The following BOK variants were observed in gnomAD, a reference collection of about 807,000 sequenced individuals.
BOK encodes the protein BCL2 family apoptosis regulator BOK.
In BOK, 20 loss-of-function variants were observed where a neutral mutation model predicts 18.3. The observed-to-expected ratio is 1.09, with a 90% CI of 0.77 to 1.59. The LOEUF is 1.59. BOK is among the 40% of genes most tolerant of loss of function. The pLI, the probability that BOK is intolerant of heterozygous loss-of-function variation, is 0.00. For synonymous variants in BOK, 173 were observed against 142.4 expected, an observed-to-expected ratio of 1.21 and a Z score of -1.53; for missense variants, 348 against 307.9, an observed-to-expected ratio of 1.13 and a Z score of -0.97.
At position 241,562,373 on chromosome 2, in the gene BOK, C is replaced by T; in HGVS notation, c.246C>T (p.Pro82=). ...GCGATGAGCTGGAGATGATCCGGCC[C>T]AGCGTCTACCGCAACGTGGCGCGTC... ...RLGDELEMIR[P]SVYRNVARQL... Residue 82 remains proline (P), a synonymous_variant, in exon 3 of 5, where the codon CCC becomes CCT. Transcript: ENST00000318407. The surrounding 1 kb of genome is among the most constrained non-coding windows in gnomAD (Gnocchi z 4.5). The T allele has an allele frequency of 6.2e-7, 1 of 1,610,088 alleles. No individual in the cohort carries two copies. Among genetic ancestry groups the T allele is most frequent in the East Asian group, 2.2e-5 (1 of 44,862 alleles).
At chr2:241,560,384 C>T (rs935410282) in intron 2 of BOK, 10 of 793,050 alleles carry the variant, frequency 1.3e-5, no homozygotes, top group Non-Finnish European at 1.5e-5. Context: ...ACATGGGGCG[C>T]CTGTGGCTGA....
upstream of BOK, among the ~76,000 whole-genome samples, chr2:241,557,936 A>G (rs2066466348): frequency 6.6e-6 from 1 of 152,156 alleles, no homozygotes; most frequent in Non-Finnish European, 1.5e-5. Context: ...CATGGGAAGA[A>G]TAAGTATTTT....
At chr2:241,566,087 C>T (rs1347647422) in intron 3 of BOK, among the ~76,000 whole-genome samples, 1 of 151,808 alleles carries the variant, frequency 6.6e-6, no homozygotes, top group African/African-American at 2.4e-5. Flanking sequence ...GAGTTTGAGA[C>T]CAGCCTGACC....
rs555695359 is a variant in BOK at position 241,573,631 on chromosome 2, G to A, written c.*1209G>A. ...AGGCCAGCACACCTAACCCATGGAT[G>A]TGGAACCTACGGCCGAGAAGGAATG... On this transcript the variant is annotated 3_prime_UTR_variant, in exon 5 of 5. Coordinates refer to ENST00000318407, the MANE Select transcript of BOK (RefSeq NM_032515.5). The A allele has an allele frequency of 1.3e-5, 2 of 152,456 alleles. No homozygotes were observed. The highest frequency in any genetic ancestry group is 3.9e-4 in the East Asian group (2 of 5,184). 9.4% of individuals were successfully genotyped at this position (152,456 alleles called of 1,614,324 possible).
At chr2:241,552,494 G>T (rs1317050216) in intron 1 of BOK, among the ~76,000 whole-genome samples, 2 of 152,158 alleles carry the variant, frequency 1.3e-5, no homozygotes, top group African/African-American at 4.8e-5. Context: ...CCCCTTAGGG[G>T]CTGGGCTCAG....
intron 3 of BOK, 104 bp from the exon 4 acceptor site, chr2:241,570,021 C>A: frequency 7.2e-7 from 1 of 1,385,450 alleles, no homozygotes; most frequent in Non-Finnish European, 9.7e-7. Flanking sequence ...TGGTCATTAG[C>A]TGGACGGCAA....
In BOK at chr2:241,572,599, G is replaced by A. The variant is rs2066742102; in HGVS notation, c.*177G>A. 1 of 974,760 alleles carries A rather than the reference G, an allele frequency of 1.0e-6. No homozygotes were observed. Among genetic ancestry groups the A allele is most frequent in the Non-Finnish European group, 1.5e-6 (1 of 677,206 alleles). 60.4% of individuals were successfully genotyped at this position (974,760 alleles called of 1,614,324 possible). On this transcript the variant is annotated 3_prime_UTR_variant, in exon 5 of 5. Transcript: ENST00000318407. Reference sequence around the variant, plus strand: ...CCTCCGGAAGGGGTGAGTGGGGAGGGGCTTTCCTGAGCCTGGAGCTGGGCT... The same window carrying A: ...CCTCCGGAAGGGGTGAGTGGGGAGGAGCTTTCCTGAGCCTGGAGCTGGGCT...
chr2:241,572,569 C>T lies in BOK; in HGVS notation c.*147C>T. On this transcript the variant is annotated 3_prime_UTR_variant, in exon 5 of 5. Coordinates refer to ENST00000318407, the MANE Select transcript of BOK (RefSeq NM_032515.5). ...CCTAAGCCCCGTTCCTCCGCAGACC[C>T]AGGCCCTCCGGAAGGGGTGAGTGGG... The T allele has an allele frequency of 7.8e-7, 1 of 1,286,910 alleles. No individual in the cohort carries two copies. Among genetic ancestry groups the T allele is most frequent in the Non-Finnish European group, 1.0e-6 (1 of 952,808 alleles). The allele number at this position is 1,286,910 out of a possible 1,614,324, so 79.7% of individuals were successfully genotyped here. A position where few individuals can be genotyped will look rare whatever the true frequency, so the allele number is the denominator to read the frequency against.
chr2:241,572,087 C>T (rs1266670431), intron 4 of BOK, among the ~76,000 whole-genome samples: 1 of 152,246 alleles, frequency 6.6e-6, no homozygotes, highest in African/African-American at 2.4e-5. Flanking sequence ...GCCTCCTGGC[C>T]CTTCACACTG....
At chr2:241,554,756 G>A (rs2066438257), upstream of BOK, among the ~76,000 whole-genome samples, 1 of 152,218 alleles carries the variant, frequency 6.6e-6, no homozygotes, top group Non-Finnish European at 1.5e-5. Flanking sequence ...GGGGAGCACA[G>A]ATGGAAAGAG....
intron 1 of BOK, 108 bp from the exon 2 acceptor site, chr2:241,559,347 C>T (rs919605839): frequency 6.8e-6 from 4 of 584,586 alleles, no homozygotes; most frequent in South Asian, 7.1e-5. Context: ...CGAGAGCGGA[C>T]CCGGCGCCGG....
Position 241,562,524 on chromosome 2 carries a change from G to T in BOK, c.349+48G>T. 1 of 1,563,544 alleles carries T rather than the reference G, an allele frequency of 6.4e-7. No homozygotes were observed. The highest frequency in any genetic ancestry group is 8.6e-7 in the Non-Finnish European group (1 of 1,157,558). On this transcript the variant is annotated intron_variant, in intron 3 of 4. Transcript: ENST00000318407. The surrounding 1 kb of genome is among the most constrained non-coding windows in gnomAD (Gnocchi z 4.5). ...ATGGGACCTCAGGGAGGGATCCAGGGTCTGTGGCTCAGGCTCACAGGGACC... is the reference window on the plus strand; with the variant it reads ...ATGGGACCTCAGGGAGGGATCCAGGTTCTGTGGCTCAGGCTCACAGGGACC...
At chr2:241,565,648 C>G (rs2066599325) in intron 3 of BOK, among the ~76,000 whole-genome samples, 1 of 152,220 alleles carries the variant, frequency 6.6e-6, no homozygotes, top group South Asian at 2.1e-4. Context: ...CCACTGCAGG[C>G]AAGCTGCACA....
intron 1 of BOK, among the ~76,000 whole-genome samples, chr2:241,553,182 C>T (rs894365558): frequency 1.3e-5 from 2 of 148,848 alleles, no homozygotes; most frequent in Non-Finnish European, 3.0e-5. Context: ...TGGAGTTTCA[C>T]CCTTGTAGCC....
intron 2 of BOK, among the ~76,000 whole-genome samples, chr2:241,561,930 T>TGCTTTCTCTGCCCAGC (rs1222411055): frequency 6.6e-5 from 10 of 152,082 alleles, no homozygotes; most frequent in Non-Finnish European, 1.3e-4. Flanking sequence ...CTCACCCCAG[T>TGCTTTCTCTGCCCAGC]GCTTTCTCTG....
chr2:241,559,621 C>T lies in BOK; in HGVS notation c.138C>T (p.Ala46=), dbSNP rs759104487. 7.5e-6 allele frequency: 11 copies of T among 1,469,838 alleles called. No homozygotes were observed. Among genetic ancestry groups the T allele is most frequent in the Admixed American group, 4.9e-5 (2 of 40,832 alleles). 91.0% of individuals were successfully genotyped at this position (1,469,838 alleles called of 1,614,324 possible). Residue 46 remains alanine (A), a synonymous_variant, in exon 2 of 5, where the codon GCC becomes GCT. Coordinates refer to ENST00000318407, the MANE Select transcript of BOK (RefSeq NM_032515.5). ...REYVHARLLR[A]GLSWSAPERA... ...ACGTGCACGCGCGGCTGCTGCGCGC[C>T]GGCCTCTCCTGGAGCGCGCCCGAGC...
chr2:241,559,769 A>C (rs2066498031), intron 2 of BOK, 66 bp downstream of exon 2: 3 of 1,269,502 alleles, frequency 2.4e-6, no homozygotes, highest in Non-Finnish European at 3.0e-6. Flanking sequence ...CCTCCCTCCG[A>C]GGCCGAGATG....
chr2:241,570,277 C>T lies in BOK; in HGVS notation c.502C>T (p.Arg168Cys), dbSNP rs765671952. The change falls in exon 4 of 5, where the codon CGC (arginine) becomes TGC (cysteine). Residue 168 changes from arginine to cysteine, a missense_variant. Physicochemically the swap from Arg to Cys is radical, Grantham distance 180. Transcript: ENST00000318407. Reference sequence around the variant, plus strand: ...GACCCTGGCAACCTGGCTGCGGAGACGCGGCGGATGGGTGAGCGCCTGAGT... The same window carrying T: ...GACCCTGGCAACCTGGCTGCGGAGATGCGGCGGATGGGTGAGCGCCTGAGT... ...RKTLATWLRR[R>C]GGWTDVLKCV... 2.6e-5 allele frequency: 40 copies of T among 1,560,054 alleles called. No individual in the cohort carries two copies. Among genetic ancestry groups the T allele is most frequent in the Middle Eastern group, 4.4e-4 (2 of 4,526 alleles).
At chr2:241,558,243 T>C (rs959133861), upstream of BOK, among the ~76,000 whole-genome samples, 9 of 152,234 alleles carry the variant, frequency 5.9e-5, no homozygotes, top group African/African-American at 1.9e-4. Context: ...TAATCAATCA[T>C]AGATCTAAAT....
Sources: gnomAD v4.1 joint callset for allele counts (sites outside exome capture counted in the v4.1 genomes callset) on GRCh38, gnomAD v4.1.1 for gene constraint, Gnocchi (gnomAD v3.1) non-coding constraint, MANE v1.5 for transcripts, NCBI Gene and HGNC (gene_info 2026-07-23, HGNC 2026-07-21) for gene names.